RPS9: variants seen among roughly 807,000 people sequenced by gnomAD.
RPS9 encodes the protein ribosomal protein S9.
Under a neutral mutation model 16.9 loss-of-function variants are expected in RPS9, and 1 was observed. The observed-to-expected ratio is 0.06, with a 90% CI of 0.02 to 0.28. The LOEUF is 0.28. Among genes scored for constraint, RPS9 ranks in the 10% least tolerant of loss-of-function variants. The pLI is 1.00. For synonymous variants in RPS9, 106 were observed against 110.9 expected (o/e 0.96, Z 0.28); for missense variants, 137 against 273.2 (o/e 0.50, Z 3.51).
intron 3 of RPS9, chr19:54,202,285 A>T: frequency 3.4e-6 from 1 of 293,588 alleles, no homozygotes; most frequent in Non-Finnish European, 5.1e-6. Flanking sequence ...TCCAGAGTTC[A>T]AGCGATTCTC....
At chr19:54,204,680 T>C (rs560815603) in intron 3 of RPS9, among the ~76,000 whole-genome samples, 6 of 152,276 alleles carry the variant, frequency 3.9e-5, no homozygotes, top group African/African-American at 7.2e-5. Flanking sequence ...TCCCAAAATA[T>C]TGGGTTTATA....
intron 2 of RPS9, 98 bp downstream of exon 2, chr19:54,201,379 A>G (rs985578912): frequency 5.6e-6 from 9 of 1,606,674 alleles, no homozygotes; most frequent in Admixed American, 1.7e-5. Flanking sequence ...CGTCCCCTAA[A>G]TTTGGTACTA....
intron 3 of RPS9, among the ~76,000 whole-genome samples, chr19:54,205,856 G>A (rs942965716): frequency 3.9e-5 from 6 of 152,114 alleles, no homozygotes; most frequent in Non-Finnish European, 7.4e-5. Context: ...TCACTCTGTC[G>A]CCCAGGCTGG....
chr19:54,203,139 A>G (rs1004748538), intron 3 of RPS9: 24 of 956,246 alleles, frequency 2.5e-5, no homozygotes, highest in African/African-American at 3.5e-5. Context: ...TTCTGGTTTT[A>G]GGGAGGACTT....
chr19:54,206,587 G>T, intron 4 of RPS9, 125 bp downstream of exon 4: 1 of 1,553,718 alleles, frequency 6.4e-7, no homozygotes, highest in Non-Finnish European at 8.7e-7. Context: ...TCACCCAGAG[G>T]GTACAGATTC....
At chr19:54,202,277 C>T (rs1335744320) in intron 3 of RPS9, 1 of 254,536 alleles carries the variant, frequency 3.9e-6, no homozygotes, top group South Asian at 1.5e-4. Context: ...ACTCCGCCTC[C>T]AGAGTTCAAG....
chr19:54,204,767 A>T (rs1424858216), intron 3 of RPS9, among the ~76,000 whole-genome samples: 2 of 152,190 alleles, frequency 1.3e-5, no homozygotes, highest in African/African-American at 2.4e-5. Context: ...AAGTGTCCAA[A>T]GAGGTAAATG....
In RPS9 at chr19:54,200,900, T is replaced by A. The variant is rs3810231; in HGVS notation, c.-26+12T>A. 8.4e-7 allele frequency: 1 copy of A among 1,194,950 alleles called. No homozygotes were observed. Among genetic ancestry groups the A allele is most frequent in the Non-Finnish European group, 1.1e-6 (1 of 952,196 alleles). 74.0% of individuals were successfully genotyped at this position (1,194,950 alleles called of 1,614,324 possible). A position where few individuals can be genotyped will look rare whatever the true frequency, so the allele number is the denominator to read the frequency against. On this transcript the variant is annotated intron_variant, in intron 1 of 4. Transcript: ENST00000302907. The stretch of plus-strand genomic sequence containing the variant: ...GGTGGTTTGCTTAGGTGAGGTGCGG[T>A]GGTGTGCTTTTTCTCTAGGGTTTGG...
Position 54,200,892 on chromosome 19 carries a change from A to G in RPS9, c.-26+4A>G. 7 of 1,158,184 alleles carry G rather than the reference A, an allele frequency of 6.0e-6. No individual in the cohort carries two copies. The highest frequency in any genetic ancestry group is 6.4e-6 in the Non-Finnish European group (6 of 932,578). 71.7% of individuals were successfully genotyped at this position (1,158,184 alleles called of 1,614,324 possible). ...AGTGACCGGGTGGTTTGCTTAGGTG[A>G]GGTGCGGTGGTGTGCTTTTTCTCTA... On this transcript the variant is annotated splice_donor_region_variant and intron_variant, in intron 1 of 4. Transcript: ENST00000302907.
intron 3 of RPS9, among the ~76,000 whole-genome samples, chr19:54,203,906 G>A (rs543539483): frequency 6.2e-4 from 95 of 152,022 alleles, no homozygotes; most frequent in Non-Finnish European, 9.7e-4. Context: ...GGTCCTCCCT[G>A]GTTTGCATTT....
chr19:54,205,812 G>A (rs532121818), intron 3 of RPS9, among the ~76,000 whole-genome samples: 2 of 152,192 alleles, frequency 1.3e-5, no homozygotes, highest in African/African-American at 4.8e-5. Context: ...AGGGTAGTTT[G>A]GTTTTTTGTA....
intron 1 of RPS9, 41 bp from the exon 2 acceptor site, chr19:54,201,119 G>T (rs1029836548): frequency 6.2e-7 from 1 of 1,609,998 alleles, no homozygotes; most frequent in African/African-American, 1.3e-5. Context: ...CTGCGCAGGC[G>T]CCGTTTGGAT....
intron 3 of RPS9, 83 bp downstream of exon 3, chr19:54,201,692 A>T: frequency 1.3e-6 from 2 of 1,578,664 alleles, no homozygotes; most frequent in East Asian, 4.5e-5. Flanking sequence ...TGTTCCAGTG[A>T]TGAGAGTTGT....
intron 4 of RPS9, chr19:54,206,702 CA>C: frequency 4.0e-6 from 6 of 1,515,256 alleles, no homozygotes; most frequent in Middle Eastern, 2.1e-4. Flanking sequence ...AGGCCTCTGC[CA>C]GGCATGTGGG....
rs547751032 is a variant in RPS9 at position 54,206,294 on chromosome 19, G to A, written c.239G>A (p.Arg80Gln). 1.9e-6 allele frequency: 3 copies of A among 1,613,166 alleles called. No individual in the cohort carries two copies. The highest frequency in any genetic ancestry group is 1.1e-5 in the South Asian group (1 of 91,084). ...RLFEGNALLR[R>Q]LVRIGVLDEG... is the part of the protein sequence containing the mutation. ...TTCCCAGGCAACGCCCTGCTGCGGC[G>A]GCTGGTCCGCATTGGGGTGCTGGAT... Residue 80 changes from arginine (R) to glutamine (Q), a missense_variant, in exon 4 of 5, where the codon CGG (arginine) becomes CAG (glutamine). Arg to Gln is a conservative substitution (Grantham distance 43, BLOSUM62 1). Around this residue, in one of 3 missense-constraint regions of RPS9, gnomAD observed 64 missense variants for 164.0 expected, o/e 0.39. Transcript: ENST00000302907.
At chr19:54,203,493 G>A (rs1324373196) in intron 3 of RPS9, 1 of 170,368 alleles carries the variant, frequency 5.9e-6, no homozygotes, top group Non-Finnish European at 1.2e-5. Context: ...GGCCAGGCGT[G>A]GTGGCTCATG....
chr19:54,203,222 T>C (rs1352339447), intron 3 of RPS9: 2 of 965,324 alleles, frequency 2.1e-6, no homozygotes, highest in African/African-American at 1.8e-5. Context: ...TGAGGGTTAT[T>C]TGTGGTTTTC....
intron 4 of RPS9, chr19:54,207,078 T>C: frequency 4.4e-6 from 2 of 458,600 alleles, no homozygotes; most frequent in Non-Finnish European, 7.8e-6. Context: ...GTGTCAGGTG[T>C]GGGGTTCACG....
At chr19:54,201,681 C>T in intron 3 of RPS9, 72 bp downstream of exon 3, 16 of 1,594,444 alleles carry the variant, frequency 1.0e-5, no homozygotes, top group Non-Finnish European at 1.4e-5. Context: ...TCTGTTGCCT[C>T]TGTTCCAGTG....
Sources: allele counts gnomAD v4.1 joint callset (sites outside exome capture counted in the v4.1 genomes callset), GRCh38; gene constraint gnomAD v4.1.1; regional missense constraint gnomAD v4.1.1; transcripts MANE v1.5; gene names NCBI Gene and HGNC (gene_info 2026-07-23, HGNC 2026-07-21).